Variants in FANCB observed in about 807,000 individuals in gnomAD.
FANCB encodes FA complementation group B, also known as Fanconi anemia group B protein.
FANCB carries 5 observed loss-of-function variants against 38.9 expected under a neutral mutation model. The ratio of observed to expected loss-of-function variants is 0.13; its 90% CI spans 0.07 to 0.27. The LOEUF (loss-of-function observed/expected upper bound fraction) is 0.27. FANCB is among the 10% of genes least tolerant of loss of function. The pLI is 1.00. For missense variants in FANCB, 573 were observed against 602.7 expected (o/e 0.95, Z 0.52); for synonymous variants, 236 against 215.4 (o/e 1.10, Z -0.84).
At chrX:14,811,890 C>A in the FANCB span, among the ~76,000 whole-genome samples, 2 of 111,631 alleles carry the variant, frequency 1.8e-5, no homozygotes, top group African/African-American at 6.5e-5. Flanking sequence ...CTTACCTATT[C>A]CAAAATTGAC....
the FANCB span, among the ~76,000 whole-genome samples, chrX:14,804,863 C>T: frequency 8.9e-6 from 1 of 112,023 alleles, no homozygotes; most frequent in Non-Finnish European, 1.9e-5. Context: ...CTGCCTCTGC[C>T]AATTTTCACA....
intron 3 of FANCB, among the ~76,000 whole-genome samples, chrX:14,864,147 A>T (rs1293772750): frequency 4.5e-5 from 5 of 111,240 alleles, no homozygotes; most frequent in Admixed American, 9.5e-5. Flanking sequence ...AAAAAATATA[A>T]AAAAATAAAA....
At chrX:14,710,663 G>A in the FANCB span, among the ~76,000 whole-genome samples, 2 of 111,607 alleles carry the variant, frequency 1.8e-5, no homozygotes, top group Non-Finnish European at 3.8e-5. Context: ...CTGTTGTTAC[G>A]GTTGATTATA....
chrX:14,737,825 C>A, the FANCB span, among the ~76,000 whole-genome samples: 1 of 111,973 alleles, frequency 8.9e-6, no homozygotes. Flanking sequence ...TCATTCCTTT[C>A]CAGACAAATA....
chrX:14,704,688 T>C, the FANCB span, among the ~76,000 whole-genome samples: 1 of 111,008 alleles, frequency 9.0e-6, no homozygotes, highest in Non-Finnish European at 1.9e-5. Flanking sequence ...TGTGCAGGAG[T>C]GGGTAAAAGG....
chrX:14,790,448 A>T, the FANCB span, among the ~76,000 whole-genome samples: 1 of 112,061 alleles, frequency 8.9e-6, no homozygotes, highest in South Asian at 3.7e-4. Context: ...TCTGAGCTTC[A>T]GTTTTCTCAC....
chrX:14,692,570 T>C, the FANCB span, among the ~76,000 whole-genome samples: 3 of 111,932 alleles, frequency 2.7e-5, 1 homozygote, highest in Non-Finnish European at 5.6e-5. Context: ...TTGTGAAACA[T>C]ACTAATTCTC....
chrX:14,848,415 G>A (rs757880316), intron 7 of FANCB, among the ~76,000 whole-genome samples: 6 of 110,817 alleles, frequency 5.4e-5, no homozygotes, highest in Non-Finnish European at 1.1e-4. Flanking sequence ...GACGCACAGG[G>A]GGCGCCTGTC....
chrX:14,696,231 G>A, the FANCB span, among the ~76,000 whole-genome samples: 1 of 101,197 alleles, frequency 9.9e-6, no homozygotes, highest in African/African-American at 3.6e-5. Flanking sequence ...AGGGAGGGAG[G>A]GAGGGAGGGA....
chrX:14,760,780 C>T, the FANCB span, among the ~76,000 whole-genome samples: 19 of 111,162 alleles, frequency 1.7e-4, no homozygotes, highest in African/African-American at 6.2e-4. Context: ...ACCACCCTGG[C>T]CAATATGGTG....
intron 3 of FANCB, chrX:14,862,151 T>G (rs1179183840): frequency 9.1e-6 from 1 of 109,902 alleles, no homozygotes; most frequent in African/African-American, 3.3e-5. Flanking sequence ...TATTTCCCTT[T>G]TTTTTTTTTA....
chrX:14,743,969 C>A, the FANCB span, among the ~76,000 whole-genome samples: 16 of 111,891 alleles, frequency 1.4e-4, no homozygotes, highest in Non-Finnish European at 2.1e-4. Flanking sequence ...AGTATGACCT[C>A]ATTTTAGCTC....
chrX:14,757,932 T>C, the FANCB span, among the ~76,000 whole-genome samples: 1 of 111,595 alleles, frequency 9.0e-6, no homozygotes, highest in Non-Finnish European at 1.9e-5. Flanking sequence ...CCTACTTGCT[T>C]TCTCAGCTGG....
chrX:14,787,721 TAA>T, the FANCB span, among the ~76,000 whole-genome samples: 1 of 106,384 alleles, frequency 9.4e-6, no homozygotes, highest in Admixed American at 1.0e-4. Context: ...AAATTAAAAA[TAA>T]AAAAGTTAAT....
intron 2 of FANCB, among the ~76,000 whole-genome samples, chrX:14,867,718 A>G (rs1039884379): frequency 2.7e-5 from 3 of 109,825 alleles, no homozygotes; most frequent in African/African-American, 9.9e-5. Flanking sequence ...AAAAGCAAAA[A>G]GAGACAAATG....
chrX:14,774,080 A>T, the FANCB span, among the ~76,000 whole-genome samples: 1 of 112,395 alleles, frequency 8.9e-6, no homozygotes, highest in Non-Finnish European at 1.9e-5. Context: ...ATGTCAAAAA[A>T]CAGCATAATA....
At chrX:14,841,497 G>C (rs1266036301), downstream of FANCB, among the ~76,000 whole-genome samples, 1 of 112,018 alleles carries the variant, frequency 8.9e-6, no homozygotes, top group Non-Finnish European at 1.9e-5. Context: ...ATGGTATAAA[G>C]AGATGCTCTG....
the FANCB span, among the ~76,000 whole-genome samples, chrX:14,766,053 C>T: frequency 9.0e-6 from 1 of 111,288 alleles, no homozygotes; most frequent in Non-Finnish European, 1.9e-5. Context: ...TGGGTTGACA[C>T]CAAGGATGCT....
chrX:14,816,556 T>C, the FANCB span, among the ~76,000 whole-genome samples: 5 of 112,276 alleles, frequency 4.5e-5, no homozygotes, highest in Non-Finnish European at 9.4e-5. Flanking sequence ...CTCGACATTA[T>C]TGACATTTTG....
Sources: allele counts gnomAD v4.1 joint callset (sites outside exome capture counted in the v4.1 genomes callset), GRCh38; gene constraint gnomAD v4.1.1; transcripts MANE v1.5; gene names NCBI Gene and HGNC (gene_info 2026-07-23, HGNC 2026-07-21).